MME: variants seen among roughly 807,000 people sequenced by gnomAD.
MME encodes neprilysin.
MME carries 98 observed loss-of-function variants against 113.2 expected under a neutral mutation model. That is an observed-to-expected ratio of 0.87 (90% CI 0.74 to 1.02). The LOEUF is 1.02. Among genes scored for constraint, MME ranks in the 50% least tolerant of loss-of-function variants. MME has a pLI of 0.00. For missense variants in MME, 836 were observed against 896.0 expected (o/e 0.93, Z 0.86); for synonymous variants, 292 against 300.6 (o/e 0.97, Z 0.30).
chr3:155,143,380 G>C lies in MME; in HGVS notation c.1189-63G>C, dbSNP rs61758200. 6.4e-3 allele frequency: 10,097 copies of C among 1,582,130 alleles called. 44 individuals are homozygous for C. Among genetic ancestry groups the C allele is most frequent in the Non-Finnish European group, 7.8e-3 (9,034 of 1,155,152 alleles). On this transcript the variant is annotated intron_variant, in intron 12 of 22. Coordinates refer to ENST00000360490, the MANE Select transcript of MME (RefSeq NM_007289.4). ...TAGATGAGACATTTGTGAAATGTGTGCTCTTAACATGCTCCAGACCTTTCC... is the reference window on the plus strand; with the variant it reads ...TAGATGAGACATTTGTGAAATGTGTCCTCTTAACATGCTCCAGACCTTTCC...
upstream of MME, among the ~76,000 whole-genome samples, chr3:155,079,219 G>A (rs1714899310): frequency 6.6e-6 from 1 of 152,062 alleles, no homozygotes; most frequent in South Asian, 2.1e-4. Context: ...AAACGAAGGA[G>A]GGAGGGAGAG....
At chr3:155,087,680 G>A (rs905743329) in intron 3 of MME, among the ~76,000 whole-genome samples, 5 of 152,116 alleles carry the variant, frequency 3.3e-5, no homozygotes, top group Middle Eastern at 6.8e-3. Flanking sequence ...TTAATCTATA[G>A]ATTCTCTCTT....
At chr3:155,158,691 T>TA (rs1209533689) in intron 16 of MME, 1 of 152,098 alleles carries the variant, frequency 6.6e-6, no homozygotes, top group Non-Finnish European at 1.5e-5. Flanking sequence ...AATTTTAGTC[T>TA]AATATCCCTG....
chr3:155,159,658 AT>A, intron 16 of MME, among the ~76,000 whole-genome samples: 1 of 151,724 alleles, frequency 6.6e-6, no homozygotes, highest in Non-Finnish European at 1.5e-5. Flanking sequence ...TTATTTATGC[AT>A]TTTTCTCATC....
chr3:155,109,737 G>A (rs1418501230), intron 3 of MME, among the ~76,000 whole-genome samples: 1 of 152,190 alleles, frequency 6.6e-6, no homozygotes, highest in Non-Finnish European at 1.5e-5. Context: ...ATCAGGAGTA[G>A]AATTCTGGGC....
intron 1 of MME, among the ~76,000 whole-genome samples, chr3:155,033,525 A>T (rs1389274184): frequency 1.3e-5 from 2 of 152,182 alleles, no homozygotes; most frequent in African/African-American, 4.8e-5. Context: ...ATTGTTATAA[A>T]TACTAATAAA....
At chr3:155,082,544 G>A (rs1715246098) in intron 1 of MME, among the ~76,000 whole-genome samples, 1 of 152,048 alleles carries the variant, frequency 6.6e-6, no homozygotes, top group South Asian at 2.1e-4. Flanking sequence ...TAACCCCAGG[G>A]GTGGTGAGAC....
At chr3:155,135,889 A>ATG (rs1332485746) in intron 8 of MME, among the ~76,000 whole-genome samples, 1 of 152,046 alleles carries the variant, frequency 6.6e-6, no homozygotes, top group Non-Finnish European at 1.5e-5. Flanking sequence ...TGTAATGTGT[A>ATG]TGTGTGTGTG....
chr3:155,073,803 T>C (rs532819013), intron 1 of MME, among the ~76,000 whole-genome samples: 99 of 152,250 alleles, frequency 6.5e-4, no homozygotes, highest in African/African-American at 2.3e-3. Flanking sequence ...TCTATCTATC[T>C]ATAGGACTGT....
At chr3:155,036,522 T>C (rs968115026) in intron 1 of MME, among the ~76,000 whole-genome samples, 1 of 152,178 alleles carries the variant, frequency 6.6e-6, no homozygotes, top group Non-Finnish European at 1.5e-5. Flanking sequence ...CATGTGATCA[T>C]ACAGTATGTA....
intron 17 of MME, among the ~76,000 whole-genome samples, chr3:155,161,020 A>G (rs1404918713): frequency 6.6e-6 from 1 of 152,108 alleles, no homozygotes; most frequent in Non-Finnish European, 1.5e-5. Context: ...AAAAGAAAAA[A>G]TTTCGTAAGT....
At chr3:155,125,091 TC>T (rs1719508590) in intron 8 of MME, among the ~76,000 whole-genome samples, 1 of 142,912 alleles carries the variant, frequency 7.0e-6, no homozygotes, top group Admixed American at 7.3e-5. Context: ...CGTAGGACCC[TC>T]CGAGCCAGGT....
chr3:155,097,592 A>G (rs1716846884), intron 3 of MME, among the ~76,000 whole-genome samples: 1 of 152,214 alleles, frequency 6.6e-6, no homozygotes, highest in South Asian at 2.1e-4. Flanking sequence ...GTATATCCAG[A>G]GAAAAGAATA....
chr3:155,056,139 A>G (rs988312397), intron 1 of MME, among the ~76,000 whole-genome samples: 1 of 152,084 alleles, frequency 6.6e-6, no homozygotes, highest in Non-Finnish European at 1.5e-5. Context: ...CTTCCCTCAG[A>G]TAATGTTGTT....
intron 22 of MME, among the ~76,000 whole-genome samples, chr3:155,176,863 T>C (rs1050283265): frequency 4.6e-5 from 7 of 152,108 alleles, no homozygotes; most frequent in African/African-American, 1.7e-4. Context: ...TTTGATGTCA[T>C]AAACACCAAA....
chr3:155,040,787 T>C (rs996099750), intron 1 of MME, among the ~76,000 whole-genome samples: 1 of 152,172 alleles, frequency 6.6e-6, no homozygotes, highest in Non-Finnish European at 1.5e-5. Context: ...TAAAGTCTTA[T>C]ATTGTATTAT....
intron 14 of MME, 98 bp downstream of exon 14, chr3:155,144,555 A>G (rs566746312): frequency 1.7e-5 from 13 of 780,514 alleles, no homozygotes; most frequent in Middle Eastern, 2.6e-4. Context: ...CAAAGATTGC[A>G]TAAAAACTTG....
chr3:155,040,169 A>G (rs1490654174), intron 1 of MME, among the ~76,000 whole-genome samples: 3 of 152,188 alleles, frequency 2.0e-5, no homozygotes, highest in Non-Finnish European at 2.9e-5. Flanking sequence ...TGATTGGCTT[A>G]ATGCAAGATT....
chr3:155,064,905 G>C (rs1714339297), intron 1 of MME, among the ~76,000 whole-genome samples: 1 of 152,086 alleles, frequency 6.6e-6, no homozygotes, highest in South Asian at 2.1e-4. Context: ...TTGGCTTGTA[G>C]GTGCATCACT....
Sources: gnomAD v4.1 joint callset for allele counts (sites outside exome capture counted in the v4.1 genomes callset) on GRCh38, gnomAD v4.1.1 for gene constraint, MANE v1.5 for transcripts, NCBI Gene and HGNC (gene_info 2026-07-23, HGNC 2026-07-21) for gene names.